ZKSCAN3: variants seen among roughly 807,000 people sequenced by gnomAD.
The protein encoded by ZKSCAN3 is zinc finger with KRAB and SCAN domains 3, also known as zinc finger protein with KRAB and SCAN domains 3.
A neutral mutation model predicts 30.7 loss-of-function variants in ZKSCAN3; 21 were observed. That is an observed-to-expected ratio of 0.68 (90% CI 0.49 to 0.99). ZKSCAN3 has a LOEUF of 0.99. ZKSCAN3 is among the 50% of genes least tolerant of loss of function. ZKSCAN3 has a pLI of 0.00. For synonymous variants in ZKSCAN3, 201 were observed against 246.7 expected, an observed-to-expected ratio of 0.81 and a Z score of 1.73; for missense variants, 507 against 647.1, an observed-to-expected ratio of 0.78 and a Z score of 2.35.
rs1221143698 is a variant in ZKSCAN3, at chr6:28,365,397, C to T, written c.758-29C>T. The stretch of plus-strand genomic sequence containing the variant: ...CAGAGCTTTCCTTCCATGGCATAAG[C>T]CACAGTTGCCAGTTATTTGTTGTTT... On this transcript the variant is annotated intron_variant, in intron 5 of 5. Transcript: ENST00000252211. 1.9e-6 allele frequency: 3 copies of T among 1,581,748 alleles called. No individual in the cohort carries two copies. The South Asian group carries it at 3.6e-5, about 19-fold the overall frequency.
rs940769956 is a variant in ZKSCAN3 at position 28,363,710 on chromosome 6, G to C, written c.652G>C (p.Asp218His). The part of the protein sequence containing the change: ...PESQGLLKVE[D>H]VALTLTPEWT... Reference sequence around the variant, plus strand: ...GTTTTAGGGGTTGTTGAAAGTGGAAGATGTGGCCCTGACCCTCACCCCTGA... The same window carrying C: ...GTTTTAGGGGTTGTTGAAAGTGGAACATGTGGCCCTGACCCTCACCCCTGA... The change falls in exon 5 of 6, where the codon GAT becomes CAT. Residue 218 changes from aspartate (D) to histidine (H), a missense_variant. By Grantham distance (81) the Asp-to-His change is moderately conservative. Coordinates refer to ENST00000252211, the MANE Select transcript of ZKSCAN3 (RefSeq NM_024493.4). 5.6e-6 allele frequency: 9 copies of C among 1,613,970 alleles called. No homozygotes were observed. Among genetic ancestry groups the C allele is most frequent in the Non-Finnish European group, 3.4e-6 (4 of 1,179,988 alleles).
chr6:28,358,165 T>C (rs1414974086), intron 1 of ZKSCAN3, among the ~76,000 whole-genome samples: 1 of 152,196 alleles, frequency 6.6e-6, no homozygotes, highest in Admixed American at 6.5e-5. Context: ...AGTATTTTCC[T>C]ATAACCTACA....
Position 28,363,808 on chromosome 6 carries a change from C to A in ZKSCAN3, c.750C>A (p.Val250=). 6.2e-7 allele frequency: 1 copy of A among 1,613,780 alleles called. No individual in the cohort carries two copies. Among genetic ancestry groups the A allele is most frequent in the South Asian group, 1.1e-5 (1 of 91,068 alleles). ...DEKQENHGSL[V]SLGDEKQTKS... ...AGCAGGAGAACCATGGCAGCCTGGT[C>A]TCCCTGGGTAAGACTAAAGGACACT... The change falls in exon 5 of 6, where the codon GTC becomes GTA. Residue 250 remains valine, a synonymous_variant. Coordinates refer to ENST00000252211, the MANE Select transcript of ZKSCAN3 (RefSeq NM_024493.4).
chr6:28,366,098 C>T lies in ZKSCAN3; in HGVS notation c.1430C>T (p.Pro477Leu). The change falls in exon 6 of 6, where the codon CCC becomes CTC. Residue 477 changes from proline to leucine, a missense_variant. Physicochemically the swap from Pro to Leu is moderately conservative, Grantham distance 98 (BLOSUM62 -3). Coordinates refer to ENST00000252211, the MANE Select transcript of ZKSCAN3 (RefSeq NM_024493.4). ...MESQLENVET[P>L]MSYKCNECER... ...AGCCAGTTGGAAAATGTTGAAACTCCCATGTCTTATAAATGTAATGAGTGT... is the reference window on the plus strand; with the variant it reads ...AGCCAGTTGGAAAATGTTGAAACTCTCATGTCTTATAAATGTAATGAGTGT... 6.2e-7 allele frequency: 1 copy of T among 1,609,384 alleles called. No individual in the cohort carries two copies. The highest frequency in any genetic ancestry group is 8.5e-7 in the Non-Finnish European group (1 of 1,178,262).
At chr6:28,352,751 T>C (rs966195079) in intron 1 of ZKSCAN3, among the ~76,000 whole-genome samples, 1 of 152,188 alleles carries the variant, frequency 6.6e-6, no homozygotes, top group African/African-American at 2.4e-5. Flanking sequence ...CCCAGATCTC[T>C]TGTGGCAGCT....
Position 28,363,672 on chromosome 6 carries a change from G to A in ZKSCAN3, c.634-20G>A, listed in dbSNP as rs370187191. On this transcript the variant is annotated intron_variant, in intron 4 of 5. Transcript: ENST00000252211. Reference sequence around the variant, plus strand: ...CATTTTGGTCAGCCCCTTCTTCAATGGGATTACCTATTGTTTTAGGGGTTG... The same window carrying A: ...CATTTTGGTCAGCCCCTTCTTCAATAGGATTACCTATTGTTTTAGGGGTTG... 16 of 1,613,790 alleles carry A rather than the reference G, an allele frequency of 9.9e-6. No individual in the cohort carries two copies. The African/African-American group carries it at 1.3e-4, about 13-fold the overall frequency.
intron 3 of ZKSCAN3, 97 bp downstream of exon 3, chr6:28,361,568 C>A: frequency 7.3e-7 from 1 of 1,365,454 alleles, no homozygotes; most frequent in Non-Finnish European, 9.9e-7. Flanking sequence ...GCTTATGTGC[C>A]CATCACAGAT....
intron 5 of ZKSCAN3, among the ~76,000 whole-genome samples, chr6:28,365,116 C>T (rs757015277): frequency 1.6e-4 from 25 of 152,074 alleles, no homozygotes; most frequent in Non-Finnish European, 2.9e-4. Context: ...GAACTTAGAA[C>T]GACCACATAC....
intron 1 of ZKSCAN3, among the ~76,000 whole-genome samples, chr6:28,355,849 C>T (rs1341128765): frequency 6.6e-6 from 1 of 152,216 alleles, no homozygotes; most frequent in African/African-American, 2.4e-5. Flanking sequence ...TTGGCCAAGT[C>T]CACCACACAG....
At position 28,358,759 on chromosome 6, in the gene ZKSCAN3, C is replaced by A. The variant is rs944563778; in HGVS notation, c.-62-766C>A. On this transcript the variant is annotated intron_variant, in intron 1 of 5. Coordinates refer to ENST00000252211, the MANE Select transcript of ZKSCAN3 (RefSeq NM_024493.4). ...ATTAGCTGGGCATGGTGGTGCACAC[C>A]TATAATCCCAGCTTCTTGGGAGGCT... Among the ~76,000 whole-genome samples, 4 of 152,062 alleles carry A rather than the reference C, an allele frequency of 2.6e-5. No individual in the cohort carries two copies. In the East Asian group the frequency reaches 7.7e-4, roughly 29 times the overall value.
In ZKSCAN3 at chr6:28,369,079, T is replaced by C. The variant is rs1484973126; in HGVS notation, c.*2794T>C. ...TTTTATGCTAGTTTCCAAGGCTTGG[T>C]CCTTCAAGGTTTTCAGGGATCTAGG... On this transcript the variant is annotated 3_prime_UTR_variant, in exon 6 of 6. Transcript: ENST00000252211. This position sits in a 1 kb window ranked among gnomAD's most constrained non-coding sequence, Gnocchi z 4.1. 6.6e-6 allele frequency: 1 copy of C among 152,170 alleles called. No individual in the cohort carries two copies. The highest frequency in any genetic ancestry group is 2.4e-5 in the African/African-American group (1 of 41,452). The allele number at this position is 152,170 out of a possible 1,614,324, so 9.4% of individuals were successfully genotyped here.
At chr6:28,356,017 C>G (rs906143265) in intron 1 of ZKSCAN3, 7 of 152,252 alleles carry the variant, frequency 4.6e-5, no homozygotes, top group Admixed American at 2.0e-4. Context: ...ATGCCGAGGT[C>G]CAAAGATACA....
intron 1 of ZKSCAN3, among the ~76,000 whole-genome samples, chr6:28,352,648 C>T (rs1240372896): frequency 6.6e-6 from 1 of 152,174 alleles, no homozygotes; most frequent in African/African-American, 2.4e-5. Context: ...GTAATTTGCT[C>T]CTATATTTCA....
intron 4 of ZKSCAN3, 115 bp downstream of exon 4, chr6:28,363,500 C>A: frequency 7.8e-7 from 1 of 1,282,322 alleles, no homozygotes; most frequent in Admixed American, 2.2e-5. Context: ...ATACAGATCT[C>A]AAATGGGATC....
intron 1 of ZKSCAN3, chr6:28,353,878 G>A (rs1187724066): frequency 1.1e-5 from 5 of 456,490 alleles, no homozygotes; most frequent in Non-Finnish European, 2.2e-5. Context: ...CATGCCAAGT[G>A]TCAGGTTCCA....
intron 1 of ZKSCAN3, chr6:28,356,151 C>G (rs1329334972): frequency 6.6e-6 from 1 of 151,402 alleles, no homozygotes; most frequent in South Asian, 2.1e-4. Context: ...GTCCGGTGTC[C>G]CCCCAAGCCT....
At chr6:28,349,918 G>C (rs532350979), upstream of ZKSCAN3, 158 of 152,380 alleles carry the variant, frequency 1.0e-3, no homozygotes, top group Middle Eastern at 3.4e-3. The surrounding 1 kb of genome is among the most constrained non-coding windows in gnomAD (Gnocchi z 4.1). Context: ...CCCGGAAGTG[G>C]CTTCTGTGCC....
At position 28,367,577 on chromosome 6, in the gene ZKSCAN3, T is replaced by A. The variant is rs1348791107; in HGVS notation, c.*1292T>A. 1.3e-5 allele frequency: 2 copies of A among 152,168 alleles called. No individual in the cohort carries two copies. 9.4% of individuals were successfully genotyped at this position (152,168 alleles called of 1,614,324 possible). A position where few individuals can be genotyped will look rare whatever the true frequency, so the allele number is the denominator to read the frequency against. On this transcript the variant is annotated 3_prime_UTR_variant, in exon 6 of 6. Transcript: ENST00000252211. ...AATATTCTAATGCTCAGTATCTTAG[T>A]TCTCTCGGGCCTAACCAATGCCTCC...
At chr6:28,353,948 C>T (rs1281815814) in intron 1 of ZKSCAN3, 13 of 454,958 alleles carry the variant, frequency 2.9e-5, no homozygotes, top group South Asian at 1.2e-4. Flanking sequence ...AAAGAACACT[C>T]GGGGCTGTAG....
Sources: allele counts gnomAD v4.1 joint callset (sites outside exome capture counted in the v4.1 genomes callset), GRCh38; gene constraint gnomAD v4.1.1; non-coding constraint Gnocchi (gnomAD v3.1); transcripts MANE v1.5; gene names NCBI Gene and HGNC (gene_info 2026-07-23, HGNC 2026-07-21).